ZMYM1: variants seen among roughly 807,000 people sequenced by gnomAD.
ZMYM1 encodes the protein zinc finger MYM-type protein 1.
Under a neutral mutation model 60.0 loss-of-function variants are expected in ZMYM1, and 39 were observed. That is an observed-to-expected ratio of 0.65 (90% CI 0.50 to 0.85). The LOEUF is 0.85. Ranked by LOEUF, ZMYM1 falls within the 40% of genes least tolerant of loss-of-function variation. The pLI, the probability that ZMYM1 is intolerant of heterozygous loss-of-function variation, is 0.00. For synonymous variants in ZMYM1, 413 were observed against 454.0 expected (o/e 0.91, Z 1.15); for missense variants, 1,171 against 1,309.5 (o/e 0.89, Z 1.63).
chr1:35,065,794 T>C (rs969118033), intron 1 of ZMYM1, among the ~76,000 whole-genome samples: 5 of 151,988 alleles, frequency 3.3e-5, no homozygotes, highest in African/African-American at 1.2e-4. Flanking sequence ...GATAAACCTC[T>C]AGCAAGACTG....
chr1:35,117,850 G>C (rs570709511), downstream of ZMYM1, among the ~76,000 whole-genome samples: 1 of 152,246 alleles, frequency 6.6e-6, no homozygotes, highest in South Asian at 2.1e-4. Flanking sequence ...TGAGACGGGA[G>C]AATAGCTTGA....
intron 1 of ZMYM1, among the ~76,000 whole-genome samples, chr1:35,068,430 A>AG (rs1352685288): frequency 8.6e-5 from 13 of 150,596 alleles, no homozygotes; most frequent in African/African-American, 2.9e-4. Context: ...AAAAAAAAAA[A>AG]AAAAGAAAAG....
Position 35,114,203 on chromosome 1 carries a change from T to C in ZMYM1, c.2373T>C (p.Ile791=), listed in dbSNP as rs1440419096. 1 of 1,612,946 alleles carries C rather than the reference T, an allele frequency of 6.2e-7. No individual in the cohort carries two copies. The highest frequency in any genetic ancestry group is 8.5e-7 in the Non-Finnish European group (1 of 1,179,706). The part of the protein sequence containing the change: ...SGEMLANFRN[I]YRLSQNKTCK... Reference sequence around the variant, plus strand: ...AAATGTTGGCAAATTTTCGAAACATTTATAGGCTAAGTCAAAACAAAACAT... The same window carrying C: ...AAATGTTGGCAAATTTTCGAAACATCTATAGGCTAAGTCAAAACAAAACAT... Residue 791 remains isoleucine, a synonymous_variant, in exon 10 of 10, where the codon ATT becomes ATC. Transcript: ENST00000359858.
At position 35,104,356 on chromosome 1, in the gene ZMYM1, A is replaced by G; in HGVS notation, c.481A>G (p.Thr161Ala). Residue 161 changes from threonine (T) to alanine (A), a missense_variant, in exon 5 of 10, where the codon ACT (threonine) becomes GCT (alanine). Coordinates refer to ENST00000359858, the MANE Select transcript of ZMYM1 (RefSeq NM_024772.5). ...GCTGGAAGACACTACCTCTTGCAAA[A>G]CTTTTTGCAGCCTATCTTGTCTTTC... is the stretch of plus-strand genomic sequence containing the variant. ...VQLEDTTSCKTFCSLSCLSSY... is the reference protein window; with the variant it reads ...VQLEDTTSCKAFCSLSCLSSY... 1 of 1,612,484 alleles carries G rather than the reference A, an allele frequency of 6.2e-7. No individual in the cohort carries two copies.
At position 35,097,384 on chromosome 1, in the gene ZMYM1, A is replaced by G; in HGVS notation, c.237A>G (p.Ser79=). The G allele has an allele frequency of 1.9e-6, 3 of 1,614,058 alleles. No individual in the cohort carries two copies. The highest frequency in any genetic ancestry group is 2.5e-6 in the Non-Finnish European group (3 of 1,180,004). ...CTGGCGTGAATAAAATGCTTCCTTC[A>G]GTTTCAACCACAGCTATTCAGGTTT... The part of the protein sequence containing the change: ...ASSGVNKMLP[S]VSTTAIQVSC... Residue 79 remains serine (S), a synonymous_variant, in exon 4 of 10, where the codon TCA becomes TCG. Transcript: ENST00000359858.
At chr1:35,087,758 G>A (rs865818460) in intron 1 of ZMYM1, among the ~76,000 whole-genome samples, 1 of 151,384 alleles carries the variant, frequency 6.6e-6, no homozygotes, top group South Asian at 2.1e-4. Flanking sequence ...GTGATCTCGT[G>A]TTTTACTTTA....
intron 6 of ZMYM1, among the ~76,000 whole-genome samples, chr1:35,105,500 C>T (rs1643868490): frequency 6.6e-6 from 1 of 152,136 alleles, no homozygotes; most frequent in Non-Finnish European, 1.5e-5. Context: ...GTGGCACAAT[C>T]TTGGCTCACT....
intron 4 of ZMYM1, among the ~76,000 whole-genome samples, chr1:35,098,037 TA>T (rs1327588138): frequency 4.6e-5 from 7 of 152,272 alleles, no homozygotes; most frequent in African/African-American, 9.6e-5. Context: ...TCTGTAGAAA[TA>T]TTTTTTTTTG....
chr1:35,090,934 A>G (rs1197578784), intron 1 of ZMYM1, among the ~76,000 whole-genome samples: 1 of 152,058 alleles, frequency 6.6e-6, no homozygotes, highest in Non-Finnish European at 1.5e-5. Context: ...CAACGAGAGC[A>G]AAACTCTTGT....
At chr1:35,100,963 C>G (rs1239017451) in intron 4 of ZMYM1, among the ~76,000 whole-genome samples, 1 of 152,018 alleles carries the variant, frequency 6.6e-6, no homozygotes, top group Non-Finnish European at 1.5e-5. Context: ...GCCACCCTGC[C>G]TGTCCAGTTT....
intron 1 of ZMYM1, among the ~76,000 whole-genome samples, chr1:35,072,674 G>A (rs994036420): frequency 6.6e-6 from 1 of 151,914 alleles, no homozygotes; most frequent in East Asian, 1.9e-4. Flanking sequence ...TTGGCCAGGC[G>A]TGGTGGCTCA....
intron 1 of ZMYM1, among the ~76,000 whole-genome samples, chr1:35,073,781 C>T (rs1209852481): frequency 6.6e-6 from 1 of 151,910 alleles, no homozygotes; most frequent in African/African-American, 2.4e-5. Context: ...ACTGCTTTTC[C>T]TGTGTCCCTA....
chr1:35,082,313 A>G (rs1262356712), intron 1 of ZMYM1, among the ~76,000 whole-genome samples: 1 of 151,864 alleles, frequency 6.6e-6, no homozygotes, highest in African/African-American at 2.4e-5. Flanking sequence ...GTCTACAAAT[A>G]AAAAGTTTTC....
At chr1:35,066,102 A>T (rs141662876) in intron 1 of ZMYM1, among the ~76,000 whole-genome samples, 13 of 152,160 alleles carry the variant, frequency 8.5e-5, no homozygotes, top group African/African-American at 3.1e-4. Flanking sequence ...TATAAAAAAA[A>T]CCTCCTACAA....
chr1:35,116,474 T>C (rs1644249510), downstream of ZMYM1, among the ~76,000 whole-genome samples: 1 of 152,226 alleles, frequency 6.6e-6, no homozygotes, highest in Admixed American at 6.5e-5. Flanking sequence ...GTTTTTGTTT[T>C]GAGATGGAGT....
Position 35,111,831 on chromosome 1 carries a change from ACGACTCCAGTTATAAG to A in ZMYM1, c.1023_1038del (p.Thr342IlefsTer2). 1 of 1,609,280 alleles carries A rather than the reference ACGACTCCAGTTATAAG, an allele frequency of 6.2e-7. No homozygotes were observed. The highest frequency in any genetic ancestry group is 8.5e-7 in the Non-Finnish European group (1 of 1,176,594). On this transcript the variant is annotated frameshift_variant, in exon 8 of 10. Transcript: ENST00000359858. LOFTEE classifies it high-confidence loss of function. ...AGAGCTTCTTTCTCCAAAGAAAGATACGACTCCAGTTATAAGCAATATAGTGTCATTGGCAGACACC... is the reference window on the plus strand; with the variant it reads ...AGAGCTTCTTTCTCCAAAGAAAGATACAATATAGTGTCATTGGCAGACACC...
chr1:35,086,848 A>AT (rs972645030), intron 1 of ZMYM1, among the ~76,000 whole-genome samples: 6 of 151,018 alleles, frequency 4.0e-5, no homozygotes, highest in African/African-American at 4.9e-5. Context: ...CGCTTGGCTA[A>AT]TTTTTTTTGT....
rs1342941115 is a variant in ZMYM1, at chr1:35,097,727, TTCCACC to T, written c.419+165_419+170del. 3 of 776,134 alleles carry T rather than the reference TTCCACC, an allele frequency of 3.9e-6. No individual in the cohort carries two copies. The African/African-American group carries it at 5.2e-5, about 13-fold the overall frequency. The allele number at this position is 776,134 out of a possible 1,614,324, so 48.1% of individuals were successfully genotyped here. On this transcript the variant is annotated intron_variant, in intron 4 of 9. Coordinates refer to ENST00000359858, the MANE Select transcript of ZMYM1 (RefSeq NM_024772.5). ...TGGCACGATCTCGGCTCACTGCAAC[TTCCACC>T]TCCTGGGTTCAAGCGATTCTCCTGC...
Position 35,087,544 on chromosome 1 carries a change from A to C in ZMYM1, c.-74-6370A>C, listed in dbSNP as rs1021757785. Among the ~76,000 whole-genome samples, 4 of 151,828 alleles carry C rather than the reference A, an allele frequency of 2.6e-5. No homozygotes were observed. In the East Asian group the frequency reaches 7.9e-4, roughly 30 times the overall value. On this transcript the variant is annotated intron_variant, in intron 1 of 9. Transcript: ENST00000359858. ...TGGGTGCAAGTGATTCTCTTGCCTC[A>C]GCCTCCCAAATAACTGGGATTACAG...
Sources: gnomAD v4.1 joint callset for allele counts (sites outside exome capture counted in the v4.1 genomes callset) on GRCh38, gnomAD v4.1.1 for gene constraint, MANE v1.5 for transcripts, NCBI Gene and HGNC (gene_info 2026-07-23, HGNC 2026-07-21) for gene names.